The following MAGOH variants were observed in gnomAD, a reference collection of about 807,000 sequenced individuals.
MAGOH encodes protein mago nashi homolog.
Under a neutral mutation model 20.9 loss-of-function variants are expected in MAGOH, and 3 were observed. That is an observed-to-expected ratio of 0.14 (90% CI 0.07 to 0.37). MAGOH has a LOEUF of 0.37. Among genes scored for constraint, MAGOH ranks in the 10% least tolerant of loss-of-function variants. The pLI is 1.00. For missense variants in MAGOH, 66 were observed against 178.1 expected, an observed-to-expected ratio of 0.37 and a Z score of 3.58; for synonymous variants, 51 against 61.0, an observed-to-expected ratio of 0.84 and a Z score of 0.76.
In MAGOH at chr1:53,228,879, G is replaced by T; in HGVS notation, c.334C>A (p.Gln112Lys). ...SKIGSLIDVN[Q>K]SKDPEGLRVF... Reference sequence around the variant, plus strand: ...AGGATCATGCACACTTACTTGGATTGATTGACATCAATAAGGGAACCAATT... The same window carrying T: ...AGGATCATGCACACTTACTTGGATTTATTGACATCAATAAGGGAACCAATT... The change falls in exon 4 of 5, where the codon CAA (glutamine) becomes AAA (lysine). Residue 112 changes from glutamine to lysine, a missense_variant. Coordinates refer to ENST00000371470, the MANE Select transcript of MAGOH (RefSeq NM_002370.4). 1 of 1,606,348 alleles carries T rather than the reference G, an allele frequency of 6.2e-7. No individual in the cohort carries two copies. The highest frequency in any genetic ancestry group is 1.1e-5 in the South Asian group (1 of 90,908).
At chr1:53,229,829 G>C (rs1345806037) in intron 3 of MAGOH, among the ~76,000 whole-genome samples, 1 of 152,144 alleles carries the variant, frequency 6.6e-6, no homozygotes, top group Non-Finnish European at 1.5e-5. Context: ...TGAGGTGGGA[G>C]GATTCCTTCA....
chr1:53,227,997 G>T (rs74853279), intron 4 of MAGOH, among the ~76,000 whole-genome samples: 3 of 151,860 alleles, frequency 2.0e-5, no homozygotes, highest in African/African-American at 7.3e-5. Flanking sequence ...CCCTCAAAAC[G>T]TAAGAGCCAA....
At chr1:53,231,563 G>A (rs1015452071) in intron 3 of MAGOH, among the ~76,000 whole-genome samples, 5 of 151,968 alleles carry the variant, frequency 3.3e-5, no homozygotes, top group South Asian at 4.1e-4. Flanking sequence ...TAAATAATTC[G>A]TTCTTTTCCC....
Position 53,227,027 on chromosome 1 carries a change from T to A in MAGOH, c.*18A>T. 2 of 1,106,914 alleles carry A rather than the reference T, an allele frequency of 1.8e-6. No homozygotes were observed. The highest frequency in any genetic ancestry group is 2.6e-6 in the Non-Finnish European group (2 of 759,518). 68.6% of individuals were successfully genotyped at this position (1,106,914 alleles called of 1,614,324 possible). The stretch of plus-strand genomic sequence containing the variant: ...TTTCTACTCCCACCCACCCCCCATG[T>A]CCACACCAATATTCAGTCTAGATTG... On this transcript the variant is annotated 3_prime_UTR_variant, in exon 5 of 5. Transcript: ENST00000371470.
At chr1:53,229,024 C>A in intron 3 of MAGOH, 70 bp from the exon 4 acceptor site, 1 of 1,075,144 alleles carries the variant, frequency 9.3e-7, no homozygotes, top group Non-Finnish European at 1.4e-6. Flanking sequence ...AAGGATTAAT[C>A]ATTTGCCAAA....
At chr1:53,230,446 C>G (rs1271760109) in intron 3 of MAGOH, among the ~76,000 whole-genome samples, 3 of 152,148 alleles carry the variant, frequency 2.0e-5, no homozygotes, top group Non-Finnish European at 4.4e-5. Flanking sequence ...GATACAGGAT[C>G]TCACTCTGTC....
chr1:53,238,515 C>G lies in MAGOH; in HGVS notation c.-67G>C. On this transcript the variant is annotated 5_prime_UTR_variant, in exon 1 of 5. Coordinates refer to ENST00000371470, the MANE Select transcript of MAGOH (RefSeq NM_002370.4). ...CCGCACTGCCGCCGTCTGCGCCCGA[C>G]ACTGACGTTTGCGGCGGCGCGCGGA... is the stretch of plus-strand genomic sequence containing the variant. 6 of 1,439,758 alleles carry G rather than the reference C, an allele frequency of 4.2e-6. No individual in the cohort carries two copies. Among genetic ancestry groups the G allele is most frequent in the Non-Finnish European group, 5.9e-6 (6 of 1,021,586 alleles). The allele number at this position is 1,439,758 out of a possible 1,614,324, so 89.2% of individuals were successfully genotyped here.
At chr1:53,231,859 G>C (rs1645588158) in intron 3 of MAGOH, among the ~76,000 whole-genome samples, 1 of 152,106 alleles carries the variant, frequency 6.6e-6, no homozygotes, top group African/African-American at 2.4e-5. Context: ...TTACTTTGTT[G>C]AAAACTGACA....
At chr1:53,233,714 A>G (rs2100306561) in intron 2 of MAGOH, 62 bp from the exon 3 acceptor site, 8 of 1,015,068 alleles carry the variant, frequency 7.9e-6, no homozygotes, top group Non-Finnish European at 1.2e-5. Flanking sequence ...TGACTCAGAT[A>G]GTGATGGAAG....
chr1:53,230,114 G>A (rs544944086), intron 3 of MAGOH, among the ~76,000 whole-genome samples: 1 of 152,288 alleles, frequency 6.6e-6, no homozygotes, highest in East Asian at 1.9e-4. Flanking sequence ...TGTTCTCAGT[G>A]CTTTGGACAG....
At chr1:53,231,304 C>T (rs1194470430) in intron 3 of MAGOH, among the ~76,000 whole-genome samples, 3 of 152,070 alleles carry the variant, frequency 2.0e-5, no homozygotes, top group Admixed American at 6.5e-5. Context: ...GAACTCTTGC[C>T]AGTTTTATGT....
chr1:53,238,231 T>C, intron 1 of MAGOH, 130 bp downstream of exon 1: 1 of 772,770 alleles, frequency 1.3e-6, no homozygotes, highest in Non-Finnish European at 2.2e-6. Flanking sequence ...GGCGTTCCTT[T>C]AAGATCTGCA....
At chr1:53,234,283 A>C in intron 2 of MAGOH, among the ~76,000 whole-genome samples, 1 of 152,154 alleles carries the variant, frequency 6.6e-6, no homozygotes, top group East Asian at 1.9e-4. Flanking sequence ...AAATTGTGAG[A>C]AATATATTTT....
chr1:53,236,814 T>G (rs1434325161), intron 1 of MAGOH, among the ~76,000 whole-genome samples: 3 of 152,242 alleles, frequency 2.0e-5, no homozygotes, highest in African/African-American at 7.2e-5. Context: ...CTGTCATCTT[T>G]GATTGCTCTT....
chr1:53,238,280 C>A, intron 1 of MAGOH, 81 bp downstream of exon 1: 2 of 1,309,834 alleles, frequency 1.5e-6, no homozygotes, highest in Non-Finnish European at 2.2e-6. Flanking sequence ...TAGTTCCCCA[C>A]AGATTTCCGA....
chr1:53,227,308 A>G (rs1645565267), intron 4 of MAGOH, among the ~76,000 whole-genome samples, 164 bp from the exon 5 acceptor site: 1 of 152,180 alleles, frequency 6.6e-6, no homozygotes, highest in Non-Finnish European at 1.5e-5. Context: ...AATATAATTA[A>G]AATAACAATT....
rs139513402 is a variant in MAGOH at position 53,232,462 on chromosome 1, A to G, written c.258+1080T>C. ...AAAGCAAAAAGAAAAAAAAACACAA[A>G]AAGACAACACAACAGATCTTTTTCT... On this transcript the variant is annotated intron_variant, in intron 3 of 4. Coordinates refer to ENST00000371470, the MANE Select transcript of MAGOH (RefSeq NM_002370.4). Among the ~76,000 whole-genome samples, 27 of 152,346 alleles carry G rather than the reference A, an allele frequency of 1.8e-4. No individual in the cohort carries two copies. In the East Asian group the frequency reaches 5.2e-3, roughly 29 times the overall value.
intron 3 of MAGOH, among the ~76,000 whole-genome samples, chr1:53,232,922 G>A (rs1645593165): frequency 6.6e-6 from 1 of 152,220 alleles, no homozygotes; most frequent in African/African-American, 2.4e-5. Flanking sequence ...CCAACATGGT[G>A]AAACGCCATC....
intron 3 of MAGOH, among the ~76,000 whole-genome samples, chr1:53,231,110 T>A (rs1363716941): frequency 6.6e-6 from 1 of 152,214 alleles, no homozygotes; most frequent in East Asian, 1.9e-4. Flanking sequence ...TTTTTTTCTG[T>A]TTTTATTCTA....
Sources: gnomAD v4.1 joint callset for allele counts (sites outside exome capture counted in the v4.1 genomes callset) on GRCh38, gnomAD v4.1.1 for gene constraint, MANE v1.5 for transcripts, NCBI Gene and HGNC (gene_info 2026-07-23, HGNC 2026-07-21) for gene names.